Variants in TMEM94 observed in about 807,000 individuals in gnomAD.
The protein encoded by TMEM94 is ER Mg2+ ATPase.
In TMEM94, 81 loss-of-function variants were observed where a neutral mutation model predicts 158.6. That is an observed-to-expected ratio of 0.51 (90% CI 0.43 to 0.61). The LOEUF is 0.61. TMEM94 is among the 20% of genes least tolerant of loss of function. The probability of loss-of-function intolerance (pLI) is 0.00; values close to 1 mark genes in which losing one functional copy is unlikely to be tolerated. For synonymous variants in TMEM94, 751 were observed against 730.7 expected (o/e 1.03, Z -0.45); for missense variants, 1,435 against 1,762.0 (o/e 0.81, Z 3.32).
Position 75,498,973 on chromosome 17 carries a change from C to A in TMEM94, c.3889C>A (p.His1297Asn), listed in dbSNP as rs765333495. The change falls in exon 31 of 32, where the codon CAC (histidine) becomes AAC (asparagine). Residue 1297 changes from histidine (H) to asparagine (N), a missense_variant. His to Asn is a moderately conservative substitution (Grantham distance 68). Coordinates refer to ENST00000314256, the MANE Select transcript of TMEM94 (RefSeq NM_014738.6). This position sits in a 1 kb window ranked among gnomAD's most constrained non-coding sequence, Gnocchi z 6.7. The part of the protein sequence containing the change: ...DLQLWTHRDS[H>N]VHFGLEDVPL... ...GCAGCTGTGGACACACAGGGACAGCCACGTCCACTTTGGCCTGGAGGACGT... is the reference window on the plus strand; with the variant it reads ...GCAGCTGTGGACACACAGGGACAGCAACGTCCACTTTGGCCTGGAGGACGT... The A allele has an allele frequency of 6.3e-7, 1 of 1,597,278 alleles. No homozygotes were observed. Among genetic ancestry groups the A allele is most frequent in the Admixed American group, 1.7e-5 (1 of 59,636 alleles).
At position 75,489,621 on chromosome 17, in the gene TMEM94, C is replaced by T. The variant is rs1033340215; in HGVS notation, c.913C>T (p.Pro305Ser). The T allele has an allele frequency of 1.2e-6, 2 of 1,613,934 alleles. No homozygotes were observed. Among genetic ancestry groups the T allele is most frequent in the African/African-American group, 1.3e-5 (1 of 74,888 alleles). The change falls in exon 9 of 32, where the codon CCG becomes TCG. Residue 305 changes from proline to serine, a missense_variant. This residue lies in a region of TMEM94 where 1,051 missense variants were observed against 1,254.4 expected (regional missense o/e 0.84). Coordinates refer to ENST00000314256, the MANE Select transcript of TMEM94 (RefSeq NM_014738.6). This position sits in a 1 kb window ranked among gnomAD's most constrained non-coding sequence, Gnocchi z 5.0. Reference sequence around the variant, plus strand: ...TGCCCTGCGCTTCATCTTCAGTGCCCCGGGGGTCACTTCCTGGCAGTACAC... The same window carrying T: ...TGCCCTGCGCTTCATCTTCAGTGCCTCGGGGGTCACTTCCTGGCAGTACAC... ...TNALRFIFSA[P>S]GVTSWQYTLL...
rs1402515691 is a variant in TMEM94 at position 75,498,519 on chromosome 17, C to T, written c.3714C>T (p.Ala1238=). The change falls in exon 29 of 32, where the codon GCC becomes GCT. Residue 1238 remains alanine, a synonymous_variant. Transcript: ENST00000314256. The surrounding 1 kb of genome is among the most constrained non-coding windows in gnomAD (Gnocchi z 6.7). ...GLLSAQKLTA[A]LIVLHTVFIS... ...TGTCGGCTCAGAAGCTCACGGCCGC[C>T]CTGATTGTCCTGCACACTGGTGAGA... The T allele has an allele frequency of 6.2e-7, 1 of 1,606,034 alleles. No homozygotes were observed. The highest frequency in any genetic ancestry group is 1.7e-5 in the Admixed American group (1 of 59,292).
intron 2 of TMEM94, among the ~76,000 whole-genome samples, chr17:75,475,349 T>A (rs569670712): frequency 6.6e-6 from 1 of 152,302 alleles, no homozygotes; most frequent in Admixed American, 6.5e-5. Context: ...CTGCTGAGGC[T>A]CCTTCTTCCC....
At chr17:75,465,679 A>ATATATATATATTTTTTT (rs1247855961) in intron 1 of TMEM94, among the ~76,000 whole-genome samples, 3 of 124,842 alleles carry the variant, frequency 2.4e-5, no homozygotes, top group African/African-American at 1.1e-4. Flanking sequence ...ATATATATAT[A>ATATATATATATTTTTTT]TTTTTTTTTA....
chr17:75,489,477 A>C lies in TMEM94; in HGVS notation c.868-99A>C. 6.7e-7 allele frequency: 1 copy of C among 1,482,900 alleles called. No individual in the cohort carries two copies. 91.9% of individuals were successfully genotyped at this position (1,482,900 alleles called of 1,614,324 possible). ...CGGGAGTGAATGCAGAGGGTCCCAG[A>C]GTGAGCCAGCCTGTGGAGTAGCAAA... On this transcript the variant is annotated intron_variant, in intron 8 of 31. Coordinates refer to ENST00000314256, the MANE Select transcript of TMEM94 (RefSeq NM_014738.6). The surrounding 1 kb of genome is among the most constrained non-coding windows in gnomAD (Gnocchi z 5.0).
In TMEM94 at chr17:75,491,700, C is replaced by T. The variant is rs777469062; in HGVS notation, c.1396C>T (p.Arg466Ter). The part of the protein sequence containing the change: ...RSFCHPEPHE[R>*]DALLAGSLNN... Reference sequence around the variant, plus strand: ...TCCTCATTCTCTTCAGCCCCATGAACGAGACGCCCTCCTGGCTGGCTCCCT... The same window carrying T: ...TCCTCATTCTCTTCAGCCCCATGAATGAGACGCCCTCCTGGCTGGCTCCCT... Residue 466 changes from arginine to a stop codon, truncating the protein, a stop_gained, in exon 14 of 32, where the codon CGA becomes TGA. Coordinates refer to ENST00000314256, the MANE Select transcript of TMEM94 (RefSeq NM_014738.6). LOFTEE classifies it high-confidence loss of function. This position sits in a 1 kb window ranked among gnomAD's most constrained non-coding sequence, Gnocchi z 5.1. The T allele has an allele frequency of 9.3e-6, 15 of 1,613,916 alleles. No homozygotes were observed. Among genetic ancestry groups the T allele is most frequent in the African/African-American group, 5.3e-5 (4 of 74,948 alleles).
rs1479650586 is a variant in TMEM94, at chr17:75,492,129, A to G, written c.1596+229A>G. 6 of 826,526 alleles carry G rather than the reference A, an allele frequency of 7.3e-6. No individual in the cohort carries two copies. Among genetic ancestry groups the G allele is most frequent in the Non-Finnish European group, 1.1e-5 (6 of 544,054 alleles). The allele number at this position is 826,526 out of a possible 1,614,324, so 51.2% of individuals were successfully genotyped here. On this transcript the variant is annotated intron_variant, in intron 14 of 31. Transcript: ENST00000314256. The surrounding 1 kb of genome is among the most constrained non-coding windows in gnomAD (Gnocchi z 4.4). ...TGTAATCGCAATCACTGGTGTCCCT[A>G]CTGGAACCTTCCAAATATACACAGC...
At chr17:75,458,939 C>T (rs1475067091) in intron 1 of TMEM94, among the ~76,000 whole-genome samples, 5 of 150,992 alleles carry the variant, frequency 3.3e-5, no homozygotes, top group African/African-American at 1.2e-4. Flanking sequence ...TGCCTGTAGT[C>T]CCAGCTACTT....
chr17:75,468,534 G>A (rs1359404149), intron 1 of TMEM94, among the ~76,000 whole-genome samples: 2 of 152,198 alleles, frequency 1.3e-5, no homozygotes, highest in Non-Finnish European at 2.9e-5. Context: ...GGGAGGAGTG[G>A]ATTTGGTCCC....
At position 75,492,874 on chromosome 17, in the gene TMEM94, A is replaced by G; in HGVS notation, c.1913-55A>G. ...ACCAACTCCTCACGGGACTTAATGG[A>G]CCTGGCAGGGTATTGCCAGGGCATG... On this transcript the variant is annotated intron_variant, in intron 15 of 31. Coordinates refer to ENST00000314256, the MANE Select transcript of TMEM94 (RefSeq NM_014738.6). The surrounding 1 kb of genome is among the most constrained non-coding windows in gnomAD (Gnocchi z 4.4). 1 of 1,586,538 alleles carries G rather than the reference A, an allele frequency of 6.3e-7. No individual in the cohort carries two copies. The highest frequency in any genetic ancestry group is 8.6e-7 in the Non-Finnish European group (1 of 1,164,214).
intron 2 of TMEM94, among the ~76,000 whole-genome samples, chr17:75,472,487 C>A (rs1289813587): frequency 6.6e-6 from 1 of 152,220 alleles, no homozygotes; most frequent in African/African-American, 2.4e-5. Context: ...TCTCCCTTGA[C>A]AAAGACTGCC....
rs369035959 is a variant in TMEM94 at position 75,491,060 on chromosome 17, C to T, written c.1140C>T (p.Arg380=). The T allele has an allele frequency of 1.9e-5, 30 of 1,610,984 alleles. No individual in the cohort carries two copies. In the South Asian group the frequency reaches 2.6e-4, roughly 14 times the overall value. Residue 380 remains arginine (R), a synonymous_variant, in exon 12 of 32, where the codon CGC becomes CGT. Coordinates refer to ENST00000314256, the MANE Select transcript of TMEM94 (RefSeq NM_014738.6). The surrounding 1 kb of genome is among the most constrained non-coding windows in gnomAD (Gnocchi z 5.1). ...TEAVSSQEML[R]CIWGHFLRVL... ...CTCTCTCCCACCAGGAAATGCTGCG[C>T]TGCATTTGGGGCCACTTCCTGAGGG...
chr17:75,473,467 T>G (rs1373090313), intron 2 of TMEM94, among the ~76,000 whole-genome samples: 1 of 152,198 alleles, frequency 6.6e-6, no homozygotes, highest in Non-Finnish European at 1.5e-5. Context: ...TGGGTGAGGC[T>G]GAATCCCCCA....
At chr17:75,461,711 C>T (rs2050073696) in intron 1 of TMEM94, among the ~76,000 whole-genome samples, 1 of 151,470 alleles carries the variant, frequency 6.6e-6, no homozygotes, top group Non-Finnish European at 1.5e-5. Flanking sequence ...ATCACGAAGT[C>T]AGGAGATCGA....
intron 1 of TMEM94, among the ~76,000 whole-genome samples, chr17:75,460,549 T>G: frequency 6.6e-6 from 1 of 150,682 alleles, no homozygotes; most frequent in Non-Finnish European, 1.5e-5. Flanking sequence ...GAACTTGCTC[T>G]GTAGCCCATG....
At chr17:75,457,451 T>A (rs1312717934) in intron 1 of TMEM94, 1 of 152,268 alleles carries the variant, frequency 6.6e-6, no homozygotes, top group Non-Finnish European at 1.5e-5. Context: ...CAGCGCCAGA[T>A]GCAAGCAAAG....
chr17:75,479,130 A>G (rs2050951578), intron 2 of TMEM94, among the ~76,000 whole-genome samples: 1 of 152,152 alleles, frequency 6.6e-6, no homozygotes, highest in Admixed American at 6.5e-5. Flanking sequence ...GAAAGTATGA[A>G]GGTCTTCTGC....
chr17:75,478,465 T>C (rs951333848), intron 2 of TMEM94, among the ~76,000 whole-genome samples: 1 of 151,880 alleles, frequency 6.6e-6, no homozygotes, highest in African/African-American at 2.4e-5. Flanking sequence ...AGCTCAGGTG[T>C]GTCGGCTCTC....
chr17:75,474,197 A>G (rs546828249), intron 2 of TMEM94, among the ~76,000 whole-genome samples: 90 of 152,142 alleles, frequency 5.9e-4, no homozygotes, highest in African/African-American at 2.0e-3. Flanking sequence ...CATGAGTTGT[A>G]TAAATGGACT....
Sources: allele counts gnomAD v4.1 joint callset (sites outside exome capture counted in the v4.1 genomes callset), GRCh38; gene constraint gnomAD v4.1.1; regional missense constraint gnomAD v4.1.1; non-coding constraint Gnocchi (gnomAD v3.1); transcripts MANE v1.5; gene names NCBI Gene and HGNC (gene_info 2026-07-23, HGNC 2026-07-21).